The following CFAP61 variants were observed in gnomAD, a reference collection of about 807,000 sequenced individuals.
CFAP61 encodes cilia and flagella associated protein 61, also known as cilia- and flagella-associated protein 61.
A neutral mutation model predicts 135.6 loss-of-function variants in CFAP61; 107 were observed. The ratio of observed to expected loss-of-function variants is 0.79; its 90% CI spans 0.67 to 0.93. The LOEUF (loss-of-function observed/expected upper bound fraction) is 0.93. Ranked by LOEUF, CFAP61 falls within the 40% of genes least tolerant of loss-of-function variation. The pLI, the probability that CFAP61 is intolerant of heterozygous loss-of-function variation, is 0.00. For synonymous variants in CFAP61, 575 were observed against 578.5 expected (o/e 0.99, Z 0.09); for missense variants, 1,507 against 1,556.2 (o/e 0.97, Z 0.53).
chr20:20,235,202 G>A (rs1392078544), intron 18 of CFAP61, among the ~76,000 whole-genome samples: 1 of 152,084 alleles, frequency 6.6e-6, no homozygotes, highest in Non-Finnish European at 1.5e-5. Context: ...ATGTCTCTCA[G>A]ATATTTAATG....
chr20:20,345,246 A>C (rs1420169623), intron 26 of CFAP61, among the ~76,000 whole-genome samples: 1 of 152,198 alleles, frequency 6.6e-6, no homozygotes, highest in Admixed American at 6.5e-5. Flanking sequence ...AAGATAACTA[A>C]AAGAGTGGAA....
At position 20,340,588 on chromosome 20, in the gene CFAP61, C is replaced by T. The variant is rs1163460416; in HGVS notation, c.3423-1243C>T. 3.3e-5 allele frequency among the ~76,000 whole-genome samples: 5 copies of T among 152,170 alleles called. No individual in the cohort carries two copies. In the East Asian group the frequency reaches 7.8e-4, roughly 24 times the overall value. ...GAGAGCAGAGTTTAAAGGCGCCGGGCAGGGAGCATGGCCCGAGAGCACCTG... is the reference window on the plus strand; with the variant it reads ...GAGAGCAGAGTTTAAAGGCGCCGGGTAGGGAGCATGGCCCGAGAGCACCTG... On this transcript the variant is annotated intron_variant, in intron 25 of 26. Coordinates refer to ENST00000245957, the MANE Select transcript of CFAP61 (RefSeq NM_015585.4).
chr20:20,086,387 A>G (rs1047629297), intron 6 of CFAP61, among the ~76,000 whole-genome samples: 12 of 136,192 alleles, frequency 8.8e-5, no homozygotes, highest in East Asian at 2.2e-4. Flanking sequence ...TCATTGTTCA[A>G]TTCCCACCTA....
At chr20:20,266,663 G>T (rs1198110735) in intron 21 of CFAP61, among the ~76,000 whole-genome samples, 1 of 152,150 alleles carries the variant, frequency 6.6e-6, no homozygotes, top group Non-Finnish European at 1.5e-5. Flanking sequence ...TTAGTAATGA[G>T]AGTAATAACA....
Position 20,080,117 on chromosome 20 carries a change from T to C in CFAP61, c.566+4502T>C, listed in dbSNP as rs142031835. On this transcript the variant is annotated intron_variant, in intron 6 of 26. Transcript: ENST00000245957. Reference sequence around the variant, plus strand: ...CTAATTTTTTGGGGAGATGGGTTTATTTAATAAAATGAATTCTAGTTTCAA... The same window carrying C: ...CTAATTTTTTGGGGAGATGGGTTTACTTAATAAAATGAATTCTAGTTTCAA... 9.9e-5 allele frequency among the ~76,000 whole-genome samples: 15 copies of C among 152,268 alleles called. No homozygotes were observed. The East Asian group carries it at 2.5e-3, about 25-fold the overall frequency.
intron 17 of CFAP61, among the ~76,000 whole-genome samples, chr20:20,211,131 A>G (rs1021792279): frequency 3.3e-5 from 5 of 152,212 alleles, no homozygotes. Context: ...GGTTATCTTT[A>G]TTTGCACACT....
chr20:20,281,104 T>G (rs2054170435), intron 22 of CFAP61, among the ~76,000 whole-genome samples: 1 of 152,262 alleles, frequency 6.6e-6, no homozygotes, highest in African/African-American at 2.4e-5. Flanking sequence ...CAATTTATTT[T>G]CTGTATAAAC....
At chr20:20,060,984 C>T (rs753662302) in intron 2 of CFAP61, among the ~76,000 whole-genome samples, 9 of 152,180 alleles carry the variant, frequency 5.9e-5, no homozygotes, top group Admixed American at 3.9e-4. Context: ...CCTGAGATAC[C>T]GTGCAAAAAC....
chr20:20,089,572 A>G (rs1314422481), intron 6 of CFAP61, among the ~76,000 whole-genome samples: 2 of 139,282 alleles, frequency 1.4e-5, no homozygotes, highest in African/African-American at 5.4e-5. Context: ...ACATTTTTAC[A>G]GAAAGAGTAT....
chr20:20,328,112 A>C (rs1024191154), intron 25 of CFAP61, among the ~76,000 whole-genome samples: 2 of 152,244 alleles, frequency 1.3e-5, no homozygotes, highest in African/African-American at 4.8e-5. Context: ...AGGAATAAAA[A>C]GAAGGCCAGC....
intron 13 of CFAP61, among the ~76,000 whole-genome samples, chr20:20,181,276 T>TACACACACACACACACACACAC (rs74180984): frequency 6.9e-6 from 1 of 144,586 alleles, no homozygotes; most frequent in South Asian, 2.3e-4. Flanking sequence ...TGTGTATGTA[T>TACACACACACACACACACACAC]ACACACACAC....
chr20:20,188,561 A>G (rs2055679889), intron 14 of CFAP61, among the ~76,000 whole-genome samples: 1 of 152,172 alleles, frequency 6.6e-6, no homozygotes, highest in African/African-American at 2.4e-5. Flanking sequence ...ATCCTGCATG[A>G]TAAATGTTGG....
At chr20:20,212,501 G>C (rs1481338903) in intron 17 of CFAP61, among the ~76,000 whole-genome samples, 4 of 152,162 alleles carry the variant, frequency 2.6e-5, no homozygotes, top group East Asian at 1.9e-4. Flanking sequence ...GCCTCACCAA[G>C]AGCCAGGTGT....
intron 2 of CFAP61, among the ~76,000 whole-genome samples, chr20:20,057,857 A>G (rs978587186): frequency 1.3e-5 from 2 of 152,050 alleles, no homozygotes; most frequent in Non-Finnish European, 2.9e-5. Context: ...AGCTGGGACT[A>G]CAGGTGCATG....
intron 8 of CFAP61, among the ~76,000 whole-genome samples, chr20:20,136,533 C>T (rs1246121890): frequency 6.6e-6 from 1 of 150,554 alleles, no homozygotes; most frequent in Admixed American, 6.6e-5. Flanking sequence ...GAGACTGATA[C>T]ATTTTTCATT....
At position 20,341,916 on chromosome 20, in the gene CFAP61, A is replaced by G. The variant is rs999247874; in HGVS notation, c.3508A>G (p.Lys1170Glu). ...AGAGTTACGCCAAATCTTAGCCTCCAAGGAGGTAAGAGTGATTAATGGATA... is the reference window on the plus strand; with the variant it reads ...AGAGTTACGCCAAATCTTAGCCTCCGAGGAGGTAAGAGTGATTAATGGATA... ...RKELRQILAS[K>E]EEEDLPSIEQ... is the part of the protein sequence containing the mutation. Residue 1170 changes from lysine (K) to glutamate (E), a missense_variant, in exon 26 of 27, where the codon AAG becomes GAG. Coordinates refer to ENST00000245957, the MANE Select transcript of CFAP61 (RefSeq NM_015585.4). 1.9e-6 allele frequency: 3 copies of G among 1,607,074 alleles called. No individual in the cohort carries two copies. The highest frequency in any genetic ancestry group is 1.3e-5 in the African/African-American group (1 of 74,774).
intron 17 of CFAP61, 136 bp downstream of exon 17, chr20:20,200,038 G>A (rs1040109336): frequency 2.1e-5 from 22 of 1,049,112 alleles, no homozygotes; most frequent in Non-Finnish European, 2.8e-5. Flanking sequence ...CCTTACAGGC[G>A]GAGCCCCGCG....
chr20:20,251,793 CGT>C lies in CFAP61; in HGVS notation c.2328+33_2328+34del, dbSNP rs2050940794. ...GGCCGGGCACAGGGGGCGCAAGCCA[CGT>C]GTCTGGAGAGCTCCATGAAAGCCAT... On this transcript the variant is annotated intron_variant, in intron 20 of 26. Transcript: ENST00000245957. 4 of 1,608,718 alleles carry C rather than the reference CGT, an allele frequency of 2.5e-6. No homozygotes were observed. In the Admixed American group the frequency reaches 6.7e-5, roughly 27 times the overall value.
chr20:20,265,265 C>G, intron 21 of CFAP61: 1 of 707,210 alleles, frequency 1.4e-6, no homozygotes, highest in South Asian at 1.7e-5. Context: ...GTTGTTTGGG[C>G]TAGGGAGCAT....
Sources: allele counts gnomAD v4.1 joint callset (sites outside exome capture counted in the v4.1 genomes callset), GRCh38; gene constraint gnomAD v4.1.1; transcripts MANE v1.5; gene names NCBI Gene and HGNC (gene_info 2026-07-23, HGNC 2026-07-21).